The following CNTNAP3 variants were observed in gnomAD, a reference collection of about 807,000 sequenced individuals.
The protein encoded by CNTNAP3 is contactin associated protein family member 3.
In CNTNAP3, 36 loss-of-function variants were observed where a neutral mutation model predicts 92.1. The ratio of observed to expected loss-of-function variants is 0.39; its 90% CI spans 0.30 to 0.52. The LOEUF (loss-of-function observed/expected upper bound fraction) is 0.52, where lower values mean the gene tolerates loss of function less well. Among genes scored for constraint, CNTNAP3 ranks in the 20% least tolerant of loss-of-function variants. The pLI, the probability that CNTNAP3 is intolerant of heterozygous loss-of-function variation, is 0.76. For missense variants in CNTNAP3, 534 were observed against 1,069.6 expected (o/e 0.50, Z 6.98); for synonymous variants, 232 against 422.3 (o/e 0.55, Z 5.53).
intron 7 of CNTNAP3, chr9:39,174,367 C>CA: frequency 1.6e-6 from 1 of 624,512 alleles, no homozygotes; most frequent in Non-Finnish European, 2.9e-6. Context: ...ACTTAGACTT[C>CA]AAACCCATCT....
At chr9:39,144,592 ATTTC>A (rs1821655713) in intron 10 of CNTNAP3, among the ~76,000 whole-genome samples, 1 of 148,040 alleles carries the variant, frequency 6.8e-6, no homozygotes, top group South Asian at 2.2e-4. Context: ...TTTTCAACAC[ATTTC>A]TTTTTTTCTT....
chr9:39,149,729 CCT>C (rs1563892981), intron 10 of CNTNAP3, 75 bp downstream of exon 10: 1 of 758,360 alleles, frequency 1.3e-6, no homozygotes, highest in African/African-American at 1.8e-5. Context: ...GAACGGAATG[CCT>C]TTTTCCAGCT....
At chr9:39,147,320 T>G (rs1191692074) in intron 10 of CNTNAP3, among the ~76,000 whole-genome samples, 1 of 151,992 alleles carries the variant, frequency 6.6e-6, no homozygotes, top group African/African-American at 2.4e-5. Flanking sequence ...ACAGGCCTGT[T>G]TTCAGGATAC....
rs556179460 is a variant in CNTNAP3, at chr9:39,140,750, T to A, written c.1757-112A>T. 2.7e-5 allele frequency: 39 copies of A among 1,440,938 alleles called. No individual in the cohort carries two copies. In the East Asian group the frequency reaches 9.4e-4, roughly 35 times the overall value. The allele number at this position is 1,440,938 out of a possible 1,614,324, so 89.3% of individuals were successfully genotyped here. On this transcript the variant is annotated intron_variant, in intron 11 of 23. Transcript: ENST00000297668. ...GACATGTGATACATATGACCCAACA[T>A]CATTTTGATAGTGTATGACAGTATA...
chr9:39,085,540 C>T lies in CNTNAP3; in HGVS notation c.3442+196G>A, dbSNP rs536264779. ...AAGTGTGGAGGTATTTTTCCAGGAACGCCCTTGCACATCTCACAGGTAGCA... is the reference window on the plus strand; with the variant it reads ...AAGTGTGGAGGTATTTTTCCAGGAATGCCCTTGCACATCTCACAGGTAGCA... On this transcript the variant is annotated intron_variant, in intron 21 of 23. Coordinates refer to ENST00000297668, the MANE Select transcript of CNTNAP3 (RefSeq NM_033655.5). 87 of 567,724 alleles carry T rather than the reference C, an allele frequency of 1.5e-4. 2 individuals are homozygous for T. The highest frequency in any genetic ancestry group is 4.8e-4 in the Middle Eastern group (1 of 2,082). 35.2% of individuals were successfully genotyped at this position (567,724 alleles called of 1,614,324 possible). A position where few individuals can be genotyped will look rare whatever the true frequency, so the allele number is the denominator to read the frequency against.
At chr9:39,150,327 G>C (rs1350517931) in intron 9 of CNTNAP3, among the ~76,000 whole-genome samples, 2 of 134,408 alleles carry the variant, frequency 1.5e-5, no homozygotes, top group Admixed American at 7.9e-5. Context: ...AAAAATTAAA[G>C]TGGAGGTTAA....
intron 23 of CNTNAP3, among the ~76,000 whole-genome samples, chr9:39,074,987 C>T (rs1378895862): frequency 1.3e-5 from 2 of 152,300 alleles, no homozygotes; most frequent in East Asian, 3.8e-4. Flanking sequence ...CTAGGATGGT[C>T]TCGATCTCCT....
chr9:39,119,873 G>A (rs1820965839), intron 13 of CNTNAP3, among the ~76,000 whole-genome samples: 1 of 152,066 alleles, frequency 6.6e-6, no homozygotes, highest in South Asian at 2.1e-4. Flanking sequence ...AAAAGACAGA[G>A]GACAGAATCA....
chr9:39,088,222 G>A (rs895600033), intron 19 of CNTNAP3, among the ~76,000 whole-genome samples: 5 of 151,008 alleles, frequency 3.3e-5, no homozygotes, highest in African/African-American at 1.2e-4. Flanking sequence ...AACATGTAAT[G>A]GGAGAAAAGC....
intron 18 of CNTNAP3, among the ~76,000 whole-genome samples, chr9:39,091,082 A>C (rs1826184878): frequency 6.6e-6 from 1 of 151,778 alleles, no homozygotes; most frequent in Admixed American, 6.6e-5. Flanking sequence ...TTCTAAGTAG[A>C]TTCTTTGGGA....
At chr9:39,123,181 G>A (rs1412858244) in intron 13 of CNTNAP3, among the ~76,000 whole-genome samples, 5 of 146,480 alleles carry the variant, frequency 3.4e-5, no homozygotes, top group South Asian at 2.2e-4. Flanking sequence ...TGCAAGCTCC[G>A]CCTCCTGGGT....
chr9:39,144,349 A>C lies in CNTNAP3; in HGVS notation c.1650-3T>G, dbSNP rs1459105194. The C allele has an allele frequency of 6.6e-7, 1 of 1,519,112 alleles. No homozygotes were observed. The highest frequency in any genetic ancestry group is 8.8e-7 in the Non-Finnish European group (1 of 1,137,070). The allele number at this position is 1,519,112 out of a possible 1,614,324, so 94.1% of individuals were successfully genotyped here. ...GCTCACAGTAGCTGGGCAAGCACCT[A>C]AAAGAAAACAGATACAACTGCTGTT... On this transcript the variant is annotated splice_region_variant and splice_polypyrimidine_tract_variant and intron_variant, in intron 10 of 23. Coordinates refer to ENST00000297668, the MANE Select transcript of CNTNAP3 (RefSeq NM_033655.5).
At chr9:39,127,255 A>G (rs918285359) in intron 13 of CNTNAP3, among the ~76,000 whole-genome samples, 1 of 152,140 alleles carries the variant, frequency 6.6e-6, no homozygotes, top group Non-Finnish European at 1.5e-5. Flanking sequence ...AGAATACAAC[A>G]TATCAAAATA....
rs1177119031 is a variant in CNTNAP3, at chr9:39,205,029, C to A, written c.391-11754G>T. On this transcript the variant is annotated intron_variant, in intron 3 of 23. Coordinates refer to ENST00000297668, the MANE Select transcript of CNTNAP3 (RefSeq NM_033655.5). ...ATAGCTTATGTTTTTGAGCACTTCC[C>A]ACATACTTCCTTAAGCCCTTTGCTC... Among the ~76,000 whole-genome samples, 2 of 75,682 alleles carry A rather than the reference C, an allele frequency of 2.6e-5. 1 individual carries two copies. Among genetic ancestry groups the A allele is most frequent in the Non-Finnish European group, 4.4e-5 (2 of 45,892 alleles). 49.7% of individuals were successfully genotyped at this position (75,682 alleles called of 152,430 possible). A position where few individuals can be genotyped will look rare whatever the true frequency, so the allele number is the denominator to read the frequency against.
intron 20 of CNTNAP3, chr9:39,086,166 A>T: frequency 2.5e-6 from 1 of 397,420 alleles, no homozygotes; most frequent in Non-Finnish European, 4.6e-6. Flanking sequence ...AAAATCTGAA[A>T]CATAAAACCA....
intron 12 of CNTNAP3, among the ~76,000 whole-genome samples, chr9:39,136,152 A>G (rs1191097813): frequency 1.4e-5 from 2 of 140,146 alleles, no homozygotes; most frequent in African/African-American, 2.5e-5. Flanking sequence ...TAATAATAAT[A>G]ATAATAATAA....
rs1459990838 is a variant in CNTNAP3 at position 39,068,709 on chromosome 9, C to T, written c.*5181G>A. 6.6e-6 allele frequency among the ~76,000 whole-genome samples: 1 copy of T among 152,098 alleles called. No individual in the cohort carries two copies. Among genetic ancestry groups the T allele is most frequent in the Non-Finnish European group, 1.5e-5 (1 of 67,982 alleles). ...AGCCACCTTCGTGTACCTGAACTCT[C>T]AGCAACAGCTACTCCATTCAGAGAC... On this transcript the variant is annotated 3_prime_UTR_variant, in exon 24 of 24. Transcript: ENST00000297668.
chr9:39,147,027 A>G (rs1378008642), intron 10 of CNTNAP3, among the ~76,000 whole-genome samples: 3 of 152,106 alleles, frequency 2.0e-5, no homozygotes, highest in Non-Finnish European at 4.4e-5. Context: ...TGCTGTTCTC[A>G]TGATAGTGAA....
At chr9:39,110,967 G>A (rs1184641986) in intron 14 of CNTNAP3, among the ~76,000 whole-genome samples, 3 of 151,664 alleles carry the variant, frequency 2.0e-5, no homozygotes, top group Admixed American at 6.6e-5. Flanking sequence ...ATGCATTTGT[G>A]GCAAAAGATC....
Sources: allele counts gnomAD v4.1 joint callset (sites outside exome capture counted in the v4.1 genomes callset), GRCh38; gene constraint gnomAD v4.1.1; transcripts MANE v1.5; gene names NCBI Gene and HGNC (gene_info 2026-07-23, HGNC 2026-07-21).